Variants in DACH1 observed in about 807,000 individuals in gnomAD.
DACH1 encodes dachshund family transcription factor 1, also known as dachshund homolog 1.
In DACH1, 12 loss-of-function variants were observed where a neutral mutation model predicts 54.2. That is an observed-to-expected ratio of 0.22 (90% CI 0.14 to 0.36). DACH1 has a LOEUF of 0.36. Ranked by LOEUF, DACH1 falls within the 10% of genes least tolerant of loss-of-function variation. DACH1 has a pLI of 1.00. For missense variants in DACH1, 805 were observed against 929.8 expected, an observed-to-expected ratio of 0.87 and a Z score of 1.75; for synonymous variants, 386 against 366.2, an observed-to-expected ratio of 1.05 and a Z score of -0.62.
intron 1 of DACH1, among the ~76,000 whole-genome samples, chr13:71,803,448 C>A (rs896306061): frequency 6.6e-6 from 1 of 152,080 alleles, no homozygotes; most frequent in African/African-American, 2.4e-5. Context: ...AAATTTTAAA[C>A]CGAAGTATAT....
intron 1 of DACH1, among the ~76,000 whole-genome samples, chr13:71,709,104 C>T (rs578157629): frequency 6.6e-6 from 1 of 152,140 alleles, no homozygotes; most frequent in Non-Finnish European, 1.5e-5. Context: ...CCTCCTGCCT[C>T]GGCCTCCCAA....
intron 1 of DACH1, among the ~76,000 whole-genome samples, chr13:71,757,766 G>C (rs1257573861): frequency 1.3e-5 from 2 of 151,860 alleles, no homozygotes; most frequent in Non-Finnish European, 2.9e-5. Context: ...CAGGTGATCT[G>C]CCCACCTCGG....
intron 10 of DACH1, among the ~76,000 whole-genome samples, chr13:71,447,544 A>T (rs1874574160): frequency 6.6e-6 from 1 of 152,116 alleles, no homozygotes; most frequent in South Asian, 2.1e-4. Context: ...GTTTAATGCC[A>T]ATCATATGGC....
intron 1 of DACH1, among the ~76,000 whole-genome samples, chr13:71,730,800 A>G (rs1427280255): frequency 6.6e-6 from 1 of 152,016 alleles, no homozygotes; most frequent in Non-Finnish European, 1.5e-5. Context: ...TTTATTAGTT[A>G]TAATTGTCAT....
intron 3 of DACH1, among the ~76,000 whole-genome samples, chr13:71,628,240 CCACCTT>C (rs2138562606): frequency 6.6e-6 from 1 of 152,076 alleles, no homozygotes; most frequent in Admixed American, 6.6e-5. Flanking sequence ...AGCTCAACCC[CCACCTT>C]CACCACTGCT....
At chr13:71,715,284 C>G (rs891736174) in intron 1 of DACH1, among the ~76,000 whole-genome samples, 1 of 152,090 alleles carries the variant, frequency 6.6e-6, no homozygotes, top group Admixed American at 6.6e-5. Context: ...GTCACTTAAC[C>G]TTTTGGTATC....
intron 1 of DACH1, among the ~76,000 whole-genome samples, chr13:71,735,273 C>A (rs1435093072): frequency 8.1e-5 from 3 of 36,872 alleles, no homozygotes; most frequent in African/African-American, 1.3e-4. Flanking sequence ...ATGGGATACA[C>A]GTATGTATAT....
intron 1 of DACH1, among the ~76,000 whole-genome samples, chr13:71,791,847 T>C (rs1886845085): frequency 6.6e-6 from 1 of 152,204 alleles, no homozygotes; most frequent in Admixed American, 6.5e-5. Flanking sequence ...ATAGCTCCAA[T>C]ATAGTTTGCT....
intron 10 of DACH1, among the ~76,000 whole-genome samples, chr13:71,442,655 A>T (rs1180830820): frequency 6.6e-6 from 1 of 152,078 alleles, no homozygotes; most frequent in Non-Finnish European, 1.5e-5. Flanking sequence ...GGATGCCTGA[A>T]ATCATGGATA....
chr13:71,539,149 C>G (rs1322023350), intron 6 of DACH1, among the ~76,000 whole-genome samples: 1 of 151,972 alleles, frequency 6.6e-6, no homozygotes, highest in Admixed American at 6.6e-5. Context: ...TAGTGAAAAT[C>G]ATTTTCTCAT....
rs569424363 is a variant in DACH1, at chr13:71,615,548, T to C, written c.1126+15008A>G. Among the ~76,000 whole-genome samples, 15 of 152,326 alleles carry C rather than the reference T, an allele frequency of 9.8e-5. No homozygotes were observed. The Middle Eastern group carries it at 0.02, about 207-fold the overall frequency. On this transcript the variant is annotated intron_variant, in intron 3 of 10. Transcript: ENST00000613252. ...ATGCAGATGAAATAACTGACAACTT[T>C]CCTCTTCCTGTGTGCCCGTACTTTT...
intron 1 of DACH1, among the ~76,000 whole-genome samples, chr13:71,703,558 C>T (rs1408674891): frequency 6.6e-6 from 1 of 152,180 alleles, no homozygotes; most frequent in Non-Finnish European, 1.5e-5. Context: ...CAAGATGCGT[C>T]ATAAATAACA....
At position 71,770,679 on chromosome 13, in the gene DACH1, G is replaced by A. The variant is rs184510435; in HGVS notation, c.849-88769C>T. On this transcript the variant is annotated intron_variant, in intron 1 of 10. Coordinates refer to ENST00000613252, the MANE Select transcript of DACH1 (RefSeq NM_080759.6). ...AAAACGTAATTTATTTTCTCAGAAC[G>A]TCCCCCTAAAGTAGGTGTTGTTTTC... is the stretch of plus-strand genomic sequence containing the variant. Among the ~76,000 whole-genome samples the A allele has an allele frequency of 4.6e-5, 7 of 151,596 alleles. No individual in the cohort carries two copies. The East Asian group carries it at 9.7e-4, about 21-fold the overall frequency.
intron 1 of DACH1, among the ~76,000 whole-genome samples, chr13:71,848,414 G>A (rs527440280): frequency 6.6e-6 from 1 of 152,132 alleles, no homozygotes; most frequent in Admixed American, 6.5e-5. Flanking sequence ...AGTTTAATTG[G>A]TATTTCTTTA....
intron 1 of DACH1, among the ~76,000 whole-genome samples, chr13:71,852,460 A>G (rs1156354787): frequency 1.3e-5 from 2 of 152,158 alleles, no homozygotes; most frequent in Non-Finnish European, 2.9e-5. Context: ...CAAATGAACT[A>G]TAGATTCAAG....
chr13:71,633,948 C>T (rs767530671), intron 2 of DACH1, among the ~76,000 whole-genome samples: 2 of 149,422 alleles, frequency 1.3e-5, no homozygotes, highest in Admixed American at 6.7e-5. Context: ...CTCATGAAAG[C>T]GAAGATTTTT....
chr13:71,525,615 T>TAAG (rs1881901835), intron 6 of DACH1, among the ~76,000 whole-genome samples: 1 of 152,104 alleles, frequency 6.6e-6, no homozygotes, highest in Admixed American at 6.6e-5. Context: ...AACAAAATAA[T>TAAG]AAGTGTTGTG....
chr13:71,635,917 A>T (rs2138583430), intron 2 of DACH1, among the ~76,000 whole-genome samples: 1 of 152,074 alleles, frequency 6.6e-6, no homozygotes, highest in South Asian at 2.1e-4. Context: ...AGTAGCTGGG[A>T]TTATAGGCAA....
intron 1 of DACH1, among the ~76,000 whole-genome samples, chr13:71,848,296 C>T (rs1873423103): frequency 6.6e-6 from 1 of 152,066 alleles, no homozygotes; most frequent in South Asian, 2.1e-4. Flanking sequence ...GTTAATCTGT[C>T]ATTCAAATTT....
Sources: gnomAD v4.1 joint callset for allele counts (sites outside exome capture counted in the v4.1 genomes callset) on GRCh38, gnomAD v4.1.1 for gene constraint, MANE v1.5 for transcripts, NCBI Gene and HGNC (gene_info 2026-07-23, HGNC 2026-07-21) for gene names.